Variants in NBEA observed in about 807,000 individuals in gnomAD.
NBEA encodes neurobeachin.
Under a neutral mutation model 343.4 loss-of-function variants are expected in NBEA, and 44 were observed. That is an observed-to-expected ratio of 0.13 (90% CI 0.10 to 0.16). The LOEUF (loss-of-function observed/expected upper bound fraction) is 0.16, where lower values mean the gene tolerates loss of function less well. Ranked by LOEUF, NBEA falls within the 10% of genes least tolerant of loss-of-function variation. The pLI is 1.00. For synonymous variants in NBEA, 1,175 were observed against 1,238.7 expected (o/e 0.95, Z 1.08); for missense variants, 2,555 against 3,631.3 (o/e 0.70, Z 7.62).
At chr13:35,012,146 G>A (rs1195095343) in intron 1 of NBEA, among the ~76,000 whole-genome samples, 1 of 152,184 alleles carries the variant, frequency 6.6e-6, no homozygotes, top group Admixed American at 6.5e-5. Flanking sequence ...TGGGTAATTG[G>A]TAATGAACAG....
At chr13:34,971,927 C>T (rs977444985) in intron 1 of NBEA, among the ~76,000 whole-genome samples, 4 of 151,390 alleles carry the variant, frequency 2.6e-5, no homozygotes, top group Non-Finnish European at 5.9e-5. Flanking sequence ...GGTACTAGCT[C>T]TTCTTTGCAC....
At chr13:35,508,864 C>T (rs1428135911) in intron 41 of NBEA, among the ~76,000 whole-genome samples, 2 of 152,130 alleles carry the variant, frequency 1.3e-5, no homozygotes, top group Non-Finnish European at 2.9e-5. Flanking sequence ...AGTCACAGAA[C>T]TGGATGAGTT....
chr13:35,477,868 C>T (rs945026569), intron 41 of NBEA, among the ~76,000 whole-genome samples: 1 of 152,086 alleles, frequency 6.6e-6, no homozygotes, highest in Non-Finnish European at 1.5e-5. Context: ...AATTTTGGAA[C>T]CTGGAAACAG....
chr13:34,958,507 A>T (rs1333291636), intron 1 of NBEA, among the ~76,000 whole-genome samples: 2 of 140,678 alleles, frequency 1.4e-5, no homozygotes, highest in African/African-American at 2.5e-5. Context: ...GATACATATT[A>T]ATTTTTTAAA....
At chr13:35,495,380 CAGAT>C (rs1390041240) in intron 41 of NBEA, among the ~76,000 whole-genome samples, 3 of 151,706 alleles carry the variant, frequency 2.0e-5, no homozygotes, top group African/African-American at 4.8e-5. Context: ...AAAGCGAAAA[CAGAT>C]AGAATTGAAA....
intron 8 of NBEA, among the ~76,000 whole-genome samples, chr13:35,067,923 A>T (rs1377618540): frequency 1.3e-5 from 2 of 151,836 alleles, no homozygotes; most frequent in Non-Finnish European, 2.9e-5. Flanking sequence ...TTTGGTAGAG[A>T]TGGGGTCTCT....
intron 45 of NBEA, among the ~76,000 whole-genome samples, chr13:35,569,184 T>C (rs892124818): frequency 6.6e-6 from 1 of 152,194 alleles, no homozygotes; most frequent in African/African-American, 2.4e-5. Flanking sequence ...ACATATTGGA[T>C]GAGAATATTT....
chr13:35,006,119 A>G (rs2152528588), intron 1 of NBEA, among the ~76,000 whole-genome samples: 2 of 152,208 alleles, frequency 1.3e-5, no homozygotes, highest in Middle Eastern at 6.8e-3. Flanking sequence ...TTTACGTGTA[A>G]TTATTGACGT....
At chr13:35,324,948 G>C (rs1248085439) in intron 36 of NBEA, among the ~76,000 whole-genome samples, 6 of 151,986 alleles carry the variant, frequency 3.9e-5, no homozygotes, top group Non-Finnish European at 8.8e-5. Flanking sequence ...TACCTTTTGA[G>C]TTTCATTATC....
intron 39 of NBEA, among the ~76,000 whole-genome samples, chr13:35,451,331 A>G (rs925752260): frequency 3.9e-5 from 6 of 151,990 alleles, no homozygotes; most frequent in South Asian, 2.1e-4. Flanking sequence ...CACCGTGTTA[A>G]CCAGGATGGT....
At chr13:35,463,241 T>C (rs2047002181) in intron 40 of NBEA, among the ~76,000 whole-genome samples, 2 of 152,220 alleles carry the variant, frequency 1.3e-5, no homozygotes, top group Admixed American at 1.3e-4. Flanking sequence ...TTCAAACTAA[T>C]GCTCCTTGTA....
chr13:35,329,922 T>C (rs1460381956), intron 36 of NBEA, among the ~76,000 whole-genome samples: 1 of 152,006 alleles, frequency 6.6e-6, no homozygotes, highest in African/African-American at 2.4e-5. Flanking sequence ...TCACACTGAA[T>C]TAGGAATCTA....
chr13:35,162,035 G>A (rs968704141), intron 23 of NBEA, 68 bp downstream of exon 23: 12 of 1,373,358 alleles, frequency 8.7e-6, no homozygotes, highest in Non-Finnish European at 1.1e-5. Context: ...ATTCTATTTG[G>A]TTTTGACAAA....
intron 34 of NBEA, among the ~76,000 whole-genome samples, chr13:35,244,263 C>T (rs1165866402): frequency 6.6e-6 from 1 of 151,852 alleles, no homozygotes; most frequent in East Asian, 1.9e-4. Context: ...ATATGCCACT[C>T]ACCTTATAAA....
intron 36 of NBEA, among the ~76,000 whole-genome samples, chr13:35,328,550 C>T (rs1020640886): frequency 6.6e-6 from 1 of 151,776 alleles, no homozygotes; most frequent in Non-Finnish European, 1.5e-5. Flanking sequence ...GATGGATACC[C>T]CATTTTGCAT....
Position 35,471,467 on chromosome 13 carries a change from C to G in NBEA, c.6449-933C>G, listed in dbSNP as rs541703915. Among the ~76,000 whole-genome samples the G allele has an allele frequency of 1.1e-4, 16 of 152,294 alleles. No individual in the cohort carries two copies. The East Asian group carries it at 2.1e-3, about 20-fold the overall frequency. On this transcript the variant is annotated intron_variant, in intron 40 of 58. Coordinates refer to ENST00000379939, the MANE Select transcript of NBEA (RefSeq NM_001385012.1). ...CTACCTACAAATGAATAGTTACATC[C>G]GATCCCCACGTTATGTATAACGTTA...
chr13:35,287,194 GT>G (rs1481418462), intron 34 of NBEA, among the ~76,000 whole-genome samples: 4 of 151,954 alleles, frequency 2.6e-5, no homozygotes, highest in Non-Finnish European at 5.9e-5. Flanking sequence ...TACTGAATCA[GT>G]AATTCTGGTT....
intron 34 of NBEA, among the ~76,000 whole-genome samples, chr13:35,267,479 A>G (rs1463993165): frequency 5.9e-5 from 9 of 152,054 alleles, no homozygotes; most frequent in Non-Finnish European, 1.3e-4. Context: ...AATGGCACAG[A>G]AAACAAAAGC....
intron 36 of NBEA, among the ~76,000 whole-genome samples, chr13:35,340,055 G>A (rs1030657332): frequency 1.3e-5 from 2 of 152,058 alleles, no homozygotes; most frequent in African/African-American, 2.4e-5. Context: ...AGTCACTATG[G>A]AAAACAGTAT....
Sources: allele counts gnomAD v4.1 joint callset (sites outside exome capture counted in the v4.1 genomes callset), GRCh38; gene constraint gnomAD v4.1.1; transcripts MANE v1.5; gene names NCBI Gene and HGNC (gene_info 2026-07-23, HGNC 2026-07-21).